Variants in NRK observed in about 807,000 individuals in gnomAD.
NRK encodes the protein Nik related kinase, also known as nik-related protein kinase.
NRK carries 67 observed loss-of-function variants against 125.2 expected under a neutral mutation model. That is an observed-to-expected ratio of 0.54 (90% CI 0.44 to 0.66). The LOEUF (loss-of-function observed/expected upper bound fraction) is 0.66. NRK is among the 30% of genes least tolerant of loss of function. The pLI is 0.00. For missense variants in NRK, 1,224 were observed against 1,192.9 expected (o/e 1.03, Z -0.38); for synonymous variants, 458 against 429.0 (o/e 1.07, Z -0.84).
chrX:105,875,889 G>T (rs1173392029), intron 2 of NRK, among the ~76,000 whole-genome samples: 4 of 110,951 alleles, frequency 3.6e-5, no homozygotes, highest in African/African-American at 1.3e-4. Flanking sequence ...CGATAAGAAT[G>T]AGAGCTAAGA....
chrX:105,856,968 T>C (rs1178911275), intron 2 of NRK, among the ~76,000 whole-genome samples: 2 of 111,176 alleles, frequency 1.8e-5, no homozygotes, highest in Admixed American at 9.6e-5. Context: ...GTTGTGAAAG[T>C]TAACTGAGTT....
intron 1 of NRK, among the ~76,000 whole-genome samples, chrX:105,829,515 A>G (rs1481585998): frequency 1.8e-5 from 2 of 112,252 alleles, no homozygotes; most frequent in African/African-American, 3.2e-5. Flanking sequence ...CATGCCTTAT[A>G]TAAGTTTTGC....
chrX:105,951,444 A>G (rs1315613444), intron 27 of NRK, among the ~76,000 whole-genome samples: 3 of 111,673 alleles, frequency 2.7e-5, no homozygotes, highest in African/African-American at 9.8e-5. Context: ...TTACAGTACT[A>G]TAAGAACATG....
At chrX:105,953,952 G>A (rs2040938141) in intron 28 of NRK, among the ~76,000 whole-genome samples, 1 of 111,119 alleles carries the variant, frequency 9.0e-6, no homozygotes, top group African/African-American at 3.3e-5. Flanking sequence ...AACTTACAAT[G>A]TGAAGAGATG....
chrX:105,882,189 C>T (rs2039891813), intron 4 of NRK, among the ~76,000 whole-genome samples: 1 of 110,795 alleles, frequency 9.0e-6, no homozygotes, highest in African/African-American at 3.3e-5. Flanking sequence ...GCTTTTCCTC[C>T]ATTGTGATTC....
chrX:105,927,143 C>G (rs1037531339), intron 19 of NRK, among the ~76,000 whole-genome samples: 1 of 109,898 alleles, frequency 9.1e-6, no homozygotes. Flanking sequence ...GTGTGTGTGT[C>G]CTTTTCAGTT....
chrX:105,874,266 C>T (rs754173922), intron 2 of NRK, among the ~76,000 whole-genome samples: 1 of 111,916 alleles, frequency 8.9e-6, no homozygotes, highest in East Asian at 2.8e-4. Context: ...TCTGAGCATG[C>T]CCAAAGGCAG....
intron 19 of NRK, among the ~76,000 whole-genome samples, chrX:105,928,910 A>G (rs903941921): frequency 3.6e-5 from 4 of 111,823 alleles, no homozygotes; most frequent in African/African-American, 1.3e-4. Context: ...ACATATGGTC[A>G]GTCTTAGAGA....
At chrX:105,932,723 G>A (rs989209183) in intron 19 of NRK, among the ~76,000 whole-genome samples, 2 of 110,904 alleles carry the variant, frequency 1.8e-5, no homozygotes, top group African/African-American at 3.3e-5. Flanking sequence ...ATGAATCAGC[G>A]CTCCTGTGCA....
chrX:105,829,420 T>C (rs2039157458), intron 1 of NRK, among the ~76,000 whole-genome samples: 1 of 112,505 alleles, frequency 8.9e-6, no homozygotes, highest in African/African-American at 3.2e-5. Flanking sequence ...CGTTTGTGTA[T>C]ATAAAATAAA....
chrX:105,950,540 G>T (rs930685469), intron 27 of NRK, among the ~76,000 whole-genome samples: 3 of 94,542 alleles, frequency 3.2e-5, no homozygotes, highest in African/African-American at 1.5e-4. Context: ...GTGTGTGTGT[G>T]TGTGTGTGTG....
chrX:105,841,435 T>A (rs2039330979), intron 2 of NRK, among the ~76,000 whole-genome samples: 1 of 112,029 alleles, frequency 8.9e-6, no homozygotes, highest in Admixed American at 9.5e-5. Flanking sequence ...TTTTGTGTTA[T>A]TTCAATTGTA....
chrX:105,949,633 G>C lies in NRK; in HGVS notation c.4412G>C (p.Gly1471Ala), dbSNP rs34232354. Reference protein sequence around the residue: ...IIILPDCLGIGMMLTFNAEAL... With the variant: ...IIILPDCLGIAMMLTFNAEAL... Reference sequence around the variant, plus strand: ...ATTTTACCTGATTGCTTGGGAATTGGCATGATGCTCACCTTCAATGCTGAA... The same window carrying C: ...ATTTTACCTGATTGCTTGGGAATTGCCATGATGCTCACCTTCAATGCTGAA... Residue 1471 changes from glycine to alanine, a missense_variant, in exon 27 of 29, where the codon GGC becomes GCC. Coordinates refer to ENST00000243300, the MANE Select transcript of NRK (RefSeq NM_198465.4). 3.4e-6 allele frequency: 4 copies of C among 1,189,924 alleles called. No homozygotes were observed. The highest frequency in any genetic ancestry group is 3.5e-5 in the African/African-American group (2 of 56,429).
At position 105,886,757 on chromosome X, in the gene NRK, GA is replaced by G. The variant is rs969503769; in HGVS notation, c.253-1530del. ...TTGTGATTAATAAAAATAAATTATC[GA>G]AAAAAATAAAAATAAATAAATAAAA... On this transcript the variant is annotated intron_variant, in intron 4 of 28. Coordinates refer to ENST00000243300, the MANE Select transcript of NRK (RefSeq NM_198465.4). Among the ~76,000 whole-genome samples the G allele has an allele frequency of 1.6e-4, 17 of 105,224 alleles. No individual in the cohort carries two copies. The East Asian group carries it at 4.1e-3, about 25-fold the overall frequency. 91.4% of individuals were successfully genotyped at this position (105,224 alleles called of 115,157 possible).
Position 105,906,421 on chromosome X carries a change from A to C in NRK, c.853A>C (p.Lys285Gln). Residue 285 changes from lysine (K) to glutamine (Q), a missense_variant, in exon 11 of 29, where the codon AAG (lysine) becomes CAG (glutamine). Coordinates refer to ENST00000243300, the MANE Select transcript of NRK (RefSeq NM_198465.4). ...CTTTGACTCATTTTTTAGGTCCCGTAAGTTCCACAATTTCATGGAAAAGTG... is the reference window on the plus strand; with the variant it reads ...CTTTGACTCATTTTTTAGGTCCCGTCAGTTCCACAATTTCATGGAAAAGTG... ...PTVKSSGWSR[K>Q]FHNFMEKCTI... 1 of 1,160,743 alleles carries C rather than the reference A, an allele frequency of 8.6e-7. No homozygotes were observed. Among genetic ancestry groups the C allele is most frequent in the Non-Finnish European group, 1.2e-6 (1 of 863,139 alleles).
intron 2 of NRK, among the ~76,000 whole-genome samples, chrX:105,839,821 G>A (rs79313072): frequency 0.024 from 2,616 of 111,020 alleles, 28 homozygotes; most frequent in Non-Finnish European, 0.035. Flanking sequence ...GATGGGTAAT[G>A]GAAAGGAGTG....
At chrX:105,894,006 C>T (rs2040048238) in intron 6 of NRK, 64 bp downstream of exon 6, 1 of 553,825 alleles carries the variant, frequency 1.8e-6, no homozygotes. Context: ...ATATACAATG[C>T]ACCTTATACC....
chrX:105,867,399 T>C (rs1241055514), intron 2 of NRK, among the ~76,000 whole-genome samples: 1 of 111,607 alleles, frequency 9.0e-6, no homozygotes, highest in Non-Finnish European at 1.9e-5. Flanking sequence ...AGATAGACCA[T>C]CTAAATTTAC....
intron 2 of NRK, among the ~76,000 whole-genome samples, chrX:105,838,463 C>T (rs2039292642): frequency 9.0e-6 from 1 of 110,682 alleles, no homozygotes; most frequent in South Asian, 3.9e-4. Context: ...ATGAGTTTGC[C>T]TTGGCCCTTC....
Sources: allele counts gnomAD v4.1 joint callset (sites outside exome capture counted in the v4.1 genomes callset), GRCh38; gene constraint gnomAD v4.1.1; transcripts MANE v1.5; gene names NCBI Gene and HGNC (gene_info 2026-07-23, HGNC 2026-07-21).